The following ZFP62 variants were observed in gnomAD, a reference collection of about 807,000 sequenced individuals.
ZFP62 encodes ZFP62 zinc finger protein.
ZFP62 carries 44 observed loss-of-function variants against 56.4 expected under a neutral mutation model. That is an observed-to-expected ratio of 0.78 (90% CI 0.61 to 1.00). The LOEUF is 1.00. Among genes scored for constraint, ZFP62 ranks in the 50% least tolerant of loss-of-function variants. The pLI is 0.00. For missense variants in ZFP62, 1,030 were observed against 1,085.7 expected (o/e 0.95, Z 0.72); for synonymous variants, 421 against 388.9 (o/e 1.08, Z -0.97).
chr5:180,856,885 C>CG (rs202203283), intron 1 of ZFP62, among the ~76,000 whole-genome samples: 28 of 139,354 alleles, frequency 2.0e-4, no homozygotes, highest in Non-Finnish European at 3.5e-4. Flanking sequence ...ACCTGGGAGG[C>CG]GAGCCTGCAG....
chr5:180,851,368 A>G lies in ZFP62; in HGVS notation c.127T>C (p.Cys43Arg). 2 of 1,551,626 alleles carry G rather than the reference A, an allele frequency of 1.3e-6. No homozygotes were observed. Among genetic ancestry groups the G allele is most frequent in the Non-Finnish European group, 1.7e-6 (2 of 1,146,974 alleles). The change falls in exon 2 of 2, where the codon TGT (cysteine) becomes CGT (arginine). Residue 43 changes from cysteine (C) to arginine (R), a missense_variant. Physicochemically the swap from Cys to Arg is radical, Grantham distance 180. Coordinates refer to ENST00000502412, the MANE Select transcript of ZFP62 (RefSeq NM_001172638.2). ...TTCTCTACCTTGCTATCCCAAACACATGTGTCACCAACCTTAGATTCAGGC... is the reference window on the plus strand; with the variant it reads ...TTCTCTACCTTGCTATCCCAAACACGTGTGTCACCAACCTTAGATTCAGGC... Reference protein sequence around the residue: ...PMPESKVGDTCVWDSKVENQQ... With the variant: ...PMPESKVGDTRVWDSKVENQQ...
At chr5:180,858,273 A>AG (rs1366696007) in intron 1 of ZFP62, among the ~76,000 whole-genome samples, 25 of 125,884 alleles carry the variant, frequency 2.0e-4, no homozygotes, top group South Asian at 1.3e-3. Flanking sequence ...AAAAAAAAAA[A>AG]AAAAAGAAAA....
At chr5:180,834,582 C>T in the ZFP62 span, 2 of 152,420 alleles carry the variant, frequency 1.3e-5, no homozygotes, top group African/African-American at 2.4e-5. Flanking sequence ...GCACCTTGAT[C>T]TTGGACTTGC....
rs1773563773 is a variant in ZFP62, at chr5:180,849,511, C to CTT, written c.1982_1983dup (p.Val662LysfsTer57). On this transcript the variant is annotated frameshift_variant, in exon 2 of 2. Transcript: ENST00000502412. LOFTEE classifies it high-confidence loss of function. ...TCCCCAGTATGGATTCTTTTATGAA[C>CTT]TTTAAGGCTTGAGTTGTTTCTGAAG... 6.4e-7 allele frequency: 1 copy of CTT among 1,551,990 alleles called. No individual in the cohort carries two copies.
chr5:180,836,632 C>T, the ZFP62 span, among the ~76,000 whole-genome samples: 2 of 152,160 alleles, frequency 1.3e-5, no homozygotes, highest in African/African-American at 4.8e-5. Flanking sequence ...TTAGGGGGCA[C>T]AAGTGAACCC....
At chr5:180,844,522 C>T (rs980956360), downstream of ZFP62, among the ~76,000 whole-genome samples, 2 of 152,158 alleles carry the variant, frequency 1.3e-5, no homozygotes, top group Admixed American at 1.3e-4. Flanking sequence ...TAATCTCCAG[C>T]ACATCTGAAT....
the ZFP62 span, among the ~76,000 whole-genome samples, chr5:180,828,962 G>A: frequency 3.9e-5 from 6 of 152,304 alleles, no homozygotes; most frequent in South Asian, 2.1e-4. Flanking sequence ...ATGCGGTAGC[G>A]ATAAGGACTG....
At chr5:180,838,412 C>CT in the ZFP62 span, among the ~76,000 whole-genome samples, 1 of 152,128 alleles carries the variant, frequency 6.6e-6, no homozygotes, top group Non-Finnish European at 1.5e-5. Context: ...TTGAAGGAGA[C>CT]TAAAAAGATG....
the ZFP62 span, among the ~76,000 whole-genome samples, chr5:180,833,750 A>T: frequency 6.7e-6 from 1 of 149,964 alleles, no homozygotes. Flanking sequence ...GGCTCACTGC[A>T]ACCTCTGCCT....
rs145345963 is a variant in ZFP62, at chr5:180,850,653, T to C, written c.842A>G (p.Tyr281Cys). Reference sequence around the variant, plus strand: ...GGTTTTCCCACAGATGTCGCATTCATAGGGCTTCTCCCCCGTGTGGATCCT... The same window carrying C: ...GGTTTTCCCACAGATGTCGCATTCACAGGGCTTCTCCCCCGTGTGGATCCT... The part of the protein sequence containing the change: ...HKRIHTGEKP[Y>C]ECDICGKTFS... Residue 281 changes from tyrosine (Y) to cysteine (C), a missense_variant, in exon 2 of 2, where the codon TAT becomes TGT. By Grantham distance (194) the Tyr-to-Cys change is radical. Coordinates refer to ENST00000502412, the MANE Select transcript of ZFP62 (RefSeq NM_001172638.2). 4.4e-6 allele frequency: 7 copies of C among 1,585,902 alleles called. No homozygotes were observed. In the African/African-American group the frequency reaches 5.4e-5, roughly 12 times the overall value.
At chr5:180,841,415 C>T in the ZFP62 span, among the ~76,000 whole-genome samples, 5 of 151,862 alleles carry the variant, frequency 3.3e-5, no homozygotes, top group Non-Finnish European at 5.9e-5. Context: ...ATTTTGGGTT[C>T]AGACAACAAC....
intron 1 of ZFP62, among the ~76,000 whole-genome samples, chr5:180,856,588 A>G (rs146145856): frequency 6.6e-6 from 1 of 152,286 alleles, no homozygotes; most frequent in East Asian, 1.9e-4. Flanking sequence ...AGACATGGAT[A>G]TGACAAGGCC....
chr5:180,860,429 C>T (rs1213949572), intron 1 of ZFP62: 1 of 152,186 alleles, frequency 6.6e-6, no homozygotes, highest in African/African-American at 2.4e-5. Flanking sequence ...AGCAGCACAC[C>T]CAGCCCTGGC....
chr5:180,842,865 A>G (rs1370490285), downstream of ZFP62, among the ~76,000 whole-genome samples: 1 of 151,984 alleles, frequency 6.6e-6, no homozygotes, highest in Non-Finnish European at 1.5e-5. Context: ...AACACAGTGA[A>G]ACCCCCGTCT....
Position 180,848,645 on chromosome 5 carries a change from T to G in ZFP62, c.*147A>C. The stretch of plus-strand genomic sequence containing the variant: ...TGGAGCCTTTCTTGCTTGCTATGAT[T>G]GAAAATCACATAGAAAGGATTCCTC... On this transcript the variant is annotated 3_prime_UTR_variant, in exon 2 of 2. Coordinates refer to ENST00000502412, the MANE Select transcript of ZFP62 (RefSeq NM_001172638.2). 7.3e-7 allele frequency: 1 copy of G among 1,376,928 alleles called. No individual in the cohort carries two copies. The highest frequency in any genetic ancestry group is 9.4e-7 in the Non-Finnish European group (1 of 1,066,482). 85.3% of individuals were successfully genotyped at this position (1,376,928 alleles called of 1,614,324 possible).
intron 1 of ZFP62, among the ~76,000 whole-genome samples, chr5:180,856,881 G>A (rs34660375): frequency 0.16 from 23,317 of 149,992 alleles, 2,018 homozygotes; most frequent in South Asian, 0.35. Flanking sequence ...ATGAACCTGG[G>A]AGGCGAGCCT....
At chr5:180,845,333 A>T (rs1282812791), downstream of ZFP62, among the ~76,000 whole-genome samples, 5 of 32,524 alleles carry the variant, frequency 1.5e-4, no homozygotes, top group Admixed American at 3.2e-4. Flanking sequence ...TCTTAAAAAA[A>T]AAAAAAAAAA....
chr5:180,837,710 C>T, the ZFP62 span, among the ~76,000 whole-genome samples: 1 of 152,270 alleles, frequency 6.6e-6, no homozygotes, highest in South Asian at 2.1e-4. Flanking sequence ...GGAATTTTCC[C>T]CACAAGACTC....
Position 180,861,268 on chromosome 5 carries a change from G to C in ZFP62, c.-49C>G, listed in dbSNP as rs576410341. 712 of 397,510 alleles carry C rather than the reference G, an allele frequency of 1.8e-3. 3 individuals are homozygous for C. Among genetic ancestry groups the C allele is most frequent in the Admixed American group, 5.1e-3 (116 of 22,690 alleles). The allele number at this position is 397,510 out of a possible 1,614,324, so 24.6% of individuals were successfully genotyped here. A position where few individuals can be genotyped will look rare whatever the true frequency, so the allele number is the denominator to read the frequency against. ...CCGGCCGCCAGCGGGACAAAAGCGC[G>C]GACCGCACGGCCGGAAGAACCCGCG... On this transcript the variant is annotated 5_prime_UTR_variant, in exon 1 of 2. Transcript: ENST00000502412.
Sources: gnomAD v4.1 joint callset for allele counts (sites outside exome capture counted in the v4.1 genomes callset) on GRCh38, gnomAD v4.1.1 for gene constraint, MANE v1.5 for transcripts, NCBI Gene and HGNC (gene_info 2026-07-23, HGNC 2026-07-21) for gene names.